Variants in LRRFIP1 observed in about 807,000 individuals in gnomAD.
LRRFIP1 encodes leucine-rich repeat flightless-interacting protein 1.
A neutral mutation model predicts 104.4 loss-of-function variants in LRRFIP1; 62 were observed. The ratio of observed to expected loss-of-function variants is 0.59; its 90% CI spans 0.48 to 0.73. The LOEUF is 0.73. Among genes scored for constraint, LRRFIP1 ranks in the 30% least tolerant of loss-of-function variants. The pLI, the probability that LRRFIP1 is intolerant of heterozygous loss-of-function variation, is 0.00. For missense variants in LRRFIP1, 796 were observed against 824.5 expected (o/e 0.97, Z 0.42); for synonymous variants, 300 against 299.0 (o/e 1.00, Z -0.03).
At chr2:237,762,019 A>G (rs1259720006) in intron 19 of LRRFIP1, among the ~76,000 whole-genome samples, 3 of 152,242 alleles carry the variant, frequency 2.0e-5, no homozygotes, top group Non-Finnish European at 4.4e-5. Flanking sequence ...GTGTTTTCTC[A>G]GGAAAACAAT....
In LRRFIP1 at chr2:237,760,145, C is replaced by T. The variant is rs2059705711; in HGVS notation, c.1399C>T (p.Pro467Ser). The T allele has an allele frequency of 1.2e-6, 2 of 1,613,854 alleles. No individual in the cohort carries two copies. The highest frequency in any genetic ancestry group is 1.7e-6 in the Non-Finnish European group (2 of 1,179,908). ...DTLNNVGYQGPTKMTKEELNA... is the reference protein window; with the variant it reads ...DTLNNVGYQGSTKMTKEELNA... ...CCTCAATAATGTTGGATACCAAGGT[C>T]CTACCAAGATGACAAAAGAAGAGTT... Residue 467 changes from proline (P) to serine (S), a missense_variant, in exon 19 of 24, where the codon CCT (proline) becomes TCT (serine). Coordinates refer to ENST00000308482, the MANE Select transcript of LRRFIP1 (RefSeq NM_001137550.2).
chr2:237,673,989 A>G (rs2090758375), intron 1 of LRRFIP1, among the ~76,000 whole-genome samples: 1 of 152,100 alleles, frequency 6.6e-6, no homozygotes, highest in South Asian at 2.1e-4. Flanking sequence ...AGTTGTCACT[A>G]TTATTGTCTC....
chr2:237,675,545 G>A (rs534762880), intron 1 of LRRFIP1, among the ~76,000 whole-genome samples: 102 of 152,264 alleles, frequency 6.7e-4, no homozygotes, highest in African/African-American at 2.2e-3. Flanking sequence ...ATTAATTGCC[G>A]TTTCCTGGGC....
chr2:237,666,731 T>C (rs201267561), intron 1 of LRRFIP1, among the ~76,000 whole-genome samples: 2 of 81,650 alleles, frequency 2.4e-5, no homozygotes, highest in East Asian at 4.3e-4. Context: ...TTCTTTCTTT[T>C]GTTCTTTCGT....
intron 2 of LRRFIP1, among the ~76,000 whole-genome samples, chr2:237,709,631 A>G (rs1575686371): frequency 1.3e-5 from 2 of 152,106 alleles, no homozygotes; most frequent in South Asian, 4.2e-4. Flanking sequence ...CTGGCCACAT[A>G]CCCTGCAGGG....
chr2:237,635,667 T>A (rs1251410008), intron 1 of LRRFIP1, among the ~76,000 whole-genome samples: 1 of 152,022 alleles, frequency 6.6e-6, no homozygotes, highest in African/African-American at 2.4e-5. Context: ...AAAAATATAT[T>A]TTTTTTATTT....
At chr2:237,762,130 A>G (rs1001396810) in intron 19 of LRRFIP1, among the ~76,000 whole-genome samples, 1 of 152,240 alleles carries the variant, frequency 6.6e-6, no homozygotes, top group African/African-American at 2.4e-5. Context: ...TGCACTGAAT[A>G]TTCTTTTTAA....
At chr2:237,683,768 G>A (rs961012654) in intron 1 of LRRFIP1, among the ~76,000 whole-genome samples, 1 of 152,194 alleles carries the variant, frequency 6.6e-6, no homozygotes, top group Admixed American at 6.5e-5. Context: ...TGTACCTTCA[G>A]CTGGAAGGAT....
Position 237,717,861 on chromosome 2 carries a change from A to G in LRRFIP1, c.249+52A>G. 1.5e-6 allele frequency: 2 copies of G among 1,309,884 alleles called. No homozygotes were observed. The highest frequency in any genetic ancestry group is 1.2e-5 in the South Asian group (1 of 84,908). The allele number at this position is 1,309,884 out of a possible 1,614,324, so 81.1% of individuals were successfully genotyped here. On this transcript the variant is annotated intron_variant, in intron 4 of 23. Transcript: ENST00000308482. The surrounding 1 kb of genome is among the most constrained non-coding windows in gnomAD (Gnocchi z 4.2). ...TACTCTTCCCTCCCCACTTGAATAC[A>G]GTGTTGAGACTTAAATGGTTTATAA...
At chr2:237,633,895 T>C (rs556226122) in intron 1 of LRRFIP1, among the ~76,000 whole-genome samples, 13 of 151,994 alleles carry the variant, frequency 8.6e-5, no homozygotes, top group Non-Finnish European at 8.8e-5. Flanking sequence ...GCACATGTCG[T>C]CCCCCACTGA....
Position 237,749,310 on chromosome 2 carries a change from A to C in LRRFIP1, c.781A>C (p.Ile261Leu), listed in dbSNP as rs749396804. 1 of 1,613,718 alleles carries C rather than the reference A, an allele frequency of 6.2e-7. No individual in the cohort carries two copies. The stretch of plus-strand genomic sequence containing the variant: ...CATCTCCATCGACACCGAGGCATCC[A>C]TCAGGGAAATCAAGGTGAGATGCTC... ...TSISIDTEAS[I>L]REIKELNELK... Residue 261 changes from isoleucine to leucine, a missense_variant, in exon 13 of 24, where the codon ATC becomes CTC. Ile to Leu is a conservative substitution (Grantham distance 5, BLOSUM62 2). Transcript: ENST00000308482.
At chr2:237,629,415 G>A (rs1234063174) in intron 1 of LRRFIP1, among the ~76,000 whole-genome samples, 1 of 151,068 alleles carries the variant, frequency 6.6e-6, no homozygotes, top group Non-Finnish European at 1.5e-5. Flanking sequence ...AGAAGAATGA[G>A]AAGAATGAAA....
intron 1 of LRRFIP1, among the ~76,000 whole-genome samples, chr2:237,685,117 CA>C (rs60990537): frequency 0.043 from 1,397 of 32,290 alleles, 34 homozygotes; most frequent in African/African-American, 0.12. Context: ...CTCCCCCCCC[CA>C]CACAAAAAAA....
At chr2:237,743,094 AGTT>A (rs1005985001) in intron 11 of LRRFIP1, among the ~76,000 whole-genome samples, 9 of 152,242 alleles carry the variant, frequency 5.9e-5, no homozygotes, top group African/African-American at 1.9e-4. Context: ...GATGGGATAC[AGTT>A]GTTGTAGCGA....
chr2:237,662,116 G>A (rs1160757924), intron 1 of LRRFIP1, among the ~76,000 whole-genome samples: 7 of 151,878 alleles, frequency 4.6e-5, no homozygotes, highest in Admixed American at 1.3e-4. Context: ...TGTTCCAGGC[G>A]TCTCTCCAGC....
chr2:237,763,770 C>T (rs1206389508), intron 19 of LRRFIP1: 3 of 1,614,222 alleles, frequency 1.9e-6, no homozygotes, highest in South Asian at 1.1e-5. Context: ...ACCGTTCAAT[C>T]ATCAGGCCCG....
chr2:237,643,727 C>T (rs908830337), intron 1 of LRRFIP1, among the ~76,000 whole-genome samples: 1 of 137,110 alleles, frequency 7.3e-6, no homozygotes, highest in East Asian at 2.1e-4. Flanking sequence ...TGAATGAATA[C>T]AGGAACAGAT....
chr2:237,653,203 G>A (rs1246101297), intron 1 of LRRFIP1, among the ~76,000 whole-genome samples: 1 of 152,120 alleles, frequency 6.6e-6, no homozygotes, highest in Admixed American at 6.5e-5. Flanking sequence ...ATATCAGTGT[G>A]AGAACAGAGT....
rs56314255 is a variant in LRRFIP1, at chr2:237,736,616, C to T, written c.555+1283C>T. 7.9e-3 allele frequency among the ~76,000 whole-genome samples: 1,205 copies of T among 152,302 alleles called. 5 individuals carry two copies. The highest frequency in any genetic ancestry group is 0.011 in the Non-Finnish European group (766 of 68,016). ...GTCTGAGATGGGCTTCGGGAGTCGT[C>T]AGCCCTAGATCCTTGGCCTTCATTG... On this transcript the variant is annotated intron_variant, in intron 10 of 23. Transcript: ENST00000308482.
Sources: allele counts gnomAD v4.1 joint callset (sites outside exome capture counted in the v4.1 genomes callset), GRCh38; gene constraint gnomAD v4.1.1; non-coding constraint Gnocchi (gnomAD v3.1); transcripts MANE v1.5; gene names NCBI Gene and HGNC (gene_info 2026-07-23, HGNC 2026-07-21).